The following ZZEF1 variants were observed in gnomAD, a reference collection of about 807,000 sequenced individuals.
ZZEF1 encodes zinc finger ZZ-type and EF-hand domain containing 1, also known as zinc finger ZZ-type and EF-hand domain-containing protein 1.
ZZEF1 carries 157 observed loss-of-function variants against 342.8 expected under a neutral mutation model. That is an observed-to-expected ratio of 0.46 (90% CI 0.40 to 0.52). ZZEF1 has a LOEUF of 0.52. Among genes scored for constraint, ZZEF1 ranks in the 20% least tolerant of loss-of-function variants. The pLI is 0.00. For synonymous variants in ZZEF1, 1,505 were observed against 1,429.1 expected (o/e 1.05, Z -1.20); for missense variants, 3,480 against 3,725.6 (o/e 0.93, Z 1.72).
intron 39 of ZZEF1, among the ~76,000 whole-genome samples, chr17:4,037,778 T>C (rs1388677998): frequency 6.6e-6 from 1 of 152,198 alleles, no homozygotes; most frequent in Non-Finnish European, 1.5e-5. Flanking sequence ...AGATAGAGTC[T>C]TGCTATGTTT....
At chr17:4,026,245 A>G (rs2056400340) in intron 42 of ZZEF1, among the ~76,000 whole-genome samples, 1 of 152,156 alleles carries the variant, frequency 6.6e-6, no homozygotes, top group African/African-American at 2.4e-5. Context: ...GAAGTGTCCT[A>G]GTGGAGATGG....
rs529253417 is a variant in ZZEF1, at chr17:4,109,868, C to A, written c.1067-5G>T. ...GCTTTATGTTAATCTGGACATCTGT[C>A]GAGCACAAACAAAAAATTCAGTATT... On this transcript the variant is annotated splice_region_variant and splice_polypyrimidine_tract_variant and intron_variant, in intron 5 of 54. Transcript: ENST00000381638. 3.0e-5 allele frequency: 49 copies of A among 1,613,924 alleles called. No individual in the cohort carries two copies. In the South Asian group the frequency reaches 5.2e-4, roughly 17 times the overall value.
Position 4,117,176 on chromosome 17 carries a change from T to C in ZZEF1, c.500-10A>G, listed in dbSNP as rs1420776871. ...AATATGTCTGTGAAACCTAAACAGA[T>C]GAAATCCATTTTTGGTGTTTTGGGG... On this transcript the variant is annotated splice_polypyrimidine_tract_variant and intron_variant, in intron 2 of 54. Coordinates refer to ENST00000381638, the MANE Select transcript of ZZEF1 (RefSeq NM_015113.4). 3 of 1,598,152 alleles carry C rather than the reference T, an allele frequency of 1.9e-6. No homozygotes were observed. The highest frequency in any genetic ancestry group is 2.7e-5 in the African/African-American group (2 of 74,632).
At chr17:4,049,579 G>T in intron 37 of ZZEF1, 129 bp downstream of exon 37, 2 of 1,030,416 alleles carry the variant, frequency 1.9e-6, no homozygotes, top group Non-Finnish European at 2.8e-6. Flanking sequence ...GTTTGATGGA[G>T]CAGGCATGTG....
chr17:4,095,726 A>C (rs2058022195), intron 11 of ZZEF1, 105 bp downstream of exon 11: 1 of 1,276,540 alleles, frequency 7.8e-7, no homozygotes, highest in Non-Finnish European at 1.1e-6. Flanking sequence ...TTTTCTATAA[A>C]GACAAGCAAG....
rs867354622 is a variant in ZZEF1, at chr17:4,014,171, G to A, written c.8332C>T (p.Arg2778Cys). 5.6e-6 allele frequency: 9 copies of A among 1,613,990 alleles called. No individual in the cohort carries two copies. Among genetic ancestry groups the A allele is most frequent in the East Asian group, 4.5e-5 (2 of 44,900 alleles). Residue 2778 changes from arginine (R) to cysteine (C), a missense_variant, in exon 51 of 55, where the codon CGC becomes TGC. Physicochemically the swap from Arg to Cys is radical, Grantham distance 180. Around this residue, in one of 5 missense-constraint regions of ZZEF1, gnomAD observed 1,269 missense variants for 1,342.4 expected, o/e 0.95. Coordinates refer to ENST00000381638, the MANE Select transcript of ZZEF1 (RefSeq NM_015113.4). This position sits in a 1 kb window ranked among gnomAD's most constrained non-coding sequence, Gnocchi z 4.4. The part of the protein sequence containing the change: ...FELPGDTLYY[R>C]FTSDMSNTEW... ...GTGTTGCTCATGTCGGAGGTGAAGCGGTAATACAGAGTGTCTCCTAGGCAC... is the reference window on the plus strand; with the variant it reads ...GTGTTGCTCATGTCGGAGGTGAAGCAGTAATACAGAGTGTCTCCTAGGCAC...
At chr17:4,121,411 G>A (rs2058480958) in intron 2 of ZZEF1, among the ~76,000 whole-genome samples, 1 of 152,202 alleles carries the variant, frequency 6.6e-6, no homozygotes, top group African/African-American at 2.4e-5. Flanking sequence ...ATCACTTGAG[G>A]TCAGGAGTTC....
At position 4,122,509 on chromosome 17, in the gene ZZEF1, A is replaced by C. The variant is rs146400026; in HGVS notation, c.499+1398T>G. ...ATTCTCCTGCCTTAGCCTCCCGAAT[A>C]GCTGGGATTACAGGCATGCACCAAC... is the stretch of plus-strand genomic sequence containing the variant. On this transcript the variant is annotated intron_variant, in intron 2 of 54. Transcript: ENST00000381638. Among the ~76,000 whole-genome samples, 590 of 152,006 alleles carry C rather than the reference A, an allele frequency of 3.9e-3. 4 individuals carry two copies. The highest frequency in any genetic ancestry group is 6.6e-3 in the Non-Finnish European group (448 of 67,972).
intron 43 of ZZEF1, among the ~76,000 whole-genome samples, chr17:4,024,688 G>A (rs748209488): frequency 1.1e-4 from 17 of 152,304 alleles, no homozygotes; most frequent in Non-Finnish European, 2.4e-4. Context: ...GTGTTCCCAT[G>A]AAGTAGTAGT....
intron 1 of ZZEF1, among the ~76,000 whole-genome samples, chr17:4,138,986 T>G (rs1011597924): frequency 5.4e-5 from 8 of 148,992 alleles, no homozygotes; most frequent in Non-Finnish European, 1.0e-4. Flanking sequence ...CTCCAAGAAC[T>G]TCTTTATAAC....
intron 2 of ZZEF1, 34 bp downstream of exon 2, chr17:4,123,873 T>C (rs2058530784): frequency 6.2e-7 from 1 of 1,600,716 alleles, no homozygotes; most frequent in East Asian, 2.2e-5. Context: ...AAGTTCACTT[T>C]GGTTCTAAGA....
chr17:4,100,300 T>C (rs2058105623), intron 9 of ZZEF1, among the ~76,000 whole-genome samples: 1 of 152,068 alleles, frequency 6.6e-6, no homozygotes, highest in Admixed American at 6.6e-5. Flanking sequence ...AACCCTGAGT[T>C]ACAAGCAATA....
At position 4,136,402 on chromosome 17, in the gene ZZEF1, T is replaced by C. The variant is rs189571056; in HGVS notation, c.354+6140A>G. Among the ~76,000 whole-genome samples, 154 of 150,772 alleles carry C rather than the reference T, an allele frequency of 1.0e-3. 2 individuals carry two copies. The highest frequency in any genetic ancestry group is 2.4e-4 in the Non-Finnish European group (16 of 67,792). ...GAATAAACATCTTGAACTACAACCA[T>C]AGAAAACAGTAACACTGCCAATTAC... On this transcript the variant is annotated intron_variant, in intron 1 of 54. Transcript: ENST00000381638.
chr17:4,022,526 CA>C (rs1487916515), intron 44 of ZZEF1, 182 bp downstream of exon 44: 2 of 702,940 alleles, frequency 2.8e-6, no homozygotes, highest in Admixed American at 2.7e-5. Context: ...TTTTCCCTGA[CA>C]GGGGTAGACA....
At chr17:4,127,840 G>C (rs2058596522) in intron 1 of ZZEF1, among the ~76,000 whole-genome samples, 1 of 152,166 alleles carries the variant, frequency 6.6e-6, no homozygotes, top group African/African-American at 2.4e-5. Context: ...GTATTCTCTG[G>C]GGAACCTGGT....
chr17:4,006,857 G>A lies in ZZEF1; in HGVS notation c.*33C>T. ...TGTCTGCTCTAAAATCCCTGTGGCA[G>A]ATGAACTAGTCCCATGCACGCCCCA... On this transcript the variant is annotated 3_prime_UTR_variant, in exon 55 of 55. Transcript: ENST00000381638. 6.4e-7 allele frequency: 1 copy of A among 1,557,334 alleles called. No homozygotes were observed. Among genetic ancestry groups the A allele is most frequent in the Non-Finnish European group, 8.7e-7 (1 of 1,148,236 alleles).
At chr17:4,038,046 AAC>A (rs1379302234) in intron 39 of ZZEF1, among the ~76,000 whole-genome samples, 5 of 152,234 alleles carry the variant, frequency 3.3e-5, no homozygotes, top group Non-Finnish European at 7.3e-5. Context: ...GTTTGTAGAA[AAC>A]ACACACTAAC....
chr17:4,011,862 T>G (rs971211850), intron 52 of ZZEF1, among the ~76,000 whole-genome samples: 2 of 152,312 alleles, frequency 1.3e-5, no homozygotes, highest in Non-Finnish European at 1.5e-5. Flanking sequence ...AGCATGAGCA[T>G]GTGAGGTACA....
At position 4,014,698 on chromosome 17, in the gene ZZEF1, C is replaced by T. The variant is rs530584459; in HGVS notation, c.8146-183G>A. Among the ~76,000 whole-genome samples the T allele has an allele frequency of 1.3e-5, 2 of 152,230 alleles. No individual in the cohort carries two copies. The highest frequency in any genetic ancestry group is 1.9e-4 in the East Asian group (1 of 5,186). ...GCATGCACAGACTGCAAATATGGTG[C>T]GAGGGAGGCACAGCGGGGCAGGCAA... On this transcript the variant is annotated intron_variant, in intron 49 of 54. Coordinates refer to ENST00000381638, the MANE Select transcript of ZZEF1 (RefSeq NM_015113.4). This position sits in a 1 kb window ranked among gnomAD's most constrained non-coding sequence, Gnocchi z 4.4.
Sources: gnomAD v4.1 joint callset for allele counts (sites outside exome capture counted in the v4.1 genomes callset) on GRCh38, gnomAD v4.1.1 for gene constraint, gnomAD v4.1.1 regional missense constraint, Gnocchi (gnomAD v3.1) non-coding constraint, MANE v1.5 for transcripts, NCBI Gene and HGNC (gene_info 2026-07-23, HGNC 2026-07-21) for gene names.